Variants in ZCCHC4 observed in about 807,000 individuals in gnomAD.
ZCCHC4 encodes rRNA N(6)-adenosine-methyltransferase ZCCHC4.
A neutral mutation model predicts 67.7 loss-of-function variants in ZCCHC4; 54 were observed. The observed-to-expected ratio is 0.80, with a 90% confidence interval of 0.64 to 1.00. ZCCHC4 has a LOEUF of 1.00. ZCCHC4 is among the 50% of genes least tolerant of loss of function. The pLI is 0.00. For missense variants in ZCCHC4, 609 were observed against 617.0 expected, an observed-to-expected ratio of 0.99 and a Z score of 0.14; for synonymous variants, 198 against 213.5, an observed-to-expected ratio of 0.93 and a Z score of 0.63.
At chr4:25,332,459 C>T (rs1253502909) in intron 3 of ZCCHC4, among the ~76,000 whole-genome samples, 2 of 152,094 alleles carry the variant, frequency 1.3e-5, no homozygotes, top group African/African-American at 4.8e-5. Flanking sequence ...TCATAGCTGG[C>T]ATCACATGTA....
chr4:25,355,802 C>T (rs564600233), intron 8 of ZCCHC4, among the ~76,000 whole-genome samples: 3 of 152,000 alleles, frequency 2.0e-5, no homozygotes, highest in Non-Finnish European at 4.4e-5. Context: ...ATAAGATGTC[C>T]GCATGTCAAT....
intron 7 of ZCCHC4, among the ~76,000 whole-genome samples, chr4:25,350,254 CTTTTTTTTTTTT>C (rs751802021): frequency 4.2e-4 from 36 of 84,898 alleles, no homozygotes; most frequent in African/African-American, 1.5e-3. Context: ...GGTACTGCTT[CTTTTTTTTTTTT>C]TTTTTTTTTT....
chr4:25,323,667 A>G (rs1362125806), intron 3 of ZCCHC4, among the ~76,000 whole-genome samples: 1 of 152,188 alleles, frequency 6.6e-6, no homozygotes, highest in Non-Finnish European at 1.5e-5. Context: ...GCAACCAGGG[A>G]TGTGTGGTCA....
rs528893222 is a variant in ZCCHC4 at position 25,369,623 on chromosome 4, G to A, written c.*459G>A. On this transcript the variant is annotated 3_prime_UTR_variant, in exon 13 of 13. Transcript: ENST00000302874. The stretch of plus-strand genomic sequence containing the variant: ...TAATTTTTGTATTTTTAGTAGAGAC[G>A]GGGTTTCACCATGTTGGCCAGGCTG... The A allele has an allele frequency of 6.4e-4, 100 of 156,958 alleles. 1 individual carries two copies. The South Asian group carries it at 0.017, about 27-fold the overall frequency. 9.7% of individuals were successfully genotyped at this position (156,958 alleles called of 1,614,324 possible).
intron 8 of ZCCHC4, among the ~76,000 whole-genome samples, chr4:25,356,237 C>T (rs1308574339): frequency 6.6e-6 from 1 of 152,108 alleles, no homozygotes; most frequent in Non-Finnish European, 1.5e-5. Flanking sequence ...AGTGAAATGT[C>T]AGGGATAATG....
chr4:25,362,343 CATTTT>C (rs1490537132), intron 10 of ZCCHC4, 42 bp downstream of exon 10: 3 of 1,348,558 alleles, frequency 2.2e-6, no homozygotes, highest in Non-Finnish European at 3.0e-6. Context: ...TAGATATATT[CATTTT>C]ATTTTAGTTT....
chr4:25,326,977 T>C (rs1256565885), intron 3 of ZCCHC4, among the ~76,000 whole-genome samples: 6 of 152,226 alleles, frequency 3.9e-5, no homozygotes, highest in African/African-American at 1.2e-4. Context: ...GTTTTAAAAT[T>C]TCAGTTTCTA....
chr4:25,325,241 C>CAAAA (rs11318046), intron 3 of ZCCHC4, among the ~76,000 whole-genome samples: 2 of 74,744 alleles, frequency 2.7e-5, no homozygotes, highest in Admixed American at 1.8e-4. Context: ...GACTCCGTCT[C>CAAAA]AAAAAAAAAA....
intron 8 of ZCCHC4, among the ~76,000 whole-genome samples, chr4:25,354,602 C>T (rs1046229525): frequency 6.6e-6 from 1 of 151,982 alleles, no homozygotes; most frequent in Non-Finnish European, 1.5e-5. Flanking sequence ...TTTCTCTGGA[C>T]CTATTATTCC....
At chr4:25,351,220 A>T (rs985513166) in intron 7 of ZCCHC4, among the ~76,000 whole-genome samples, 4 of 152,220 alleles carry the variant, frequency 2.6e-5, no homozygotes, top group African/African-American at 9.6e-5. Flanking sequence ...CACACCGAAG[A>T]CCTACTGCCT....
intron 12 of ZCCHC4, 65 bp from the exon 13 acceptor site, chr4:25,368,964 C>T: frequency 2.0e-6 from 3 of 1,533,444 alleles, no homozygotes; most frequent in Non-Finnish European, 2.6e-6. Flanking sequence ...GTTAATTAAA[C>T]TTCAACATAA....
intron 5 of ZCCHC4, among the ~76,000 whole-genome samples, chr4:25,342,452 A>G (rs1342514118): frequency 6.6e-6 from 1 of 152,182 alleles, no homozygotes; most frequent in African/African-American, 2.4e-5. Flanking sequence ...CACATTTGCT[A>G]AGATGGATTT....
intron 3 of ZCCHC4, among the ~76,000 whole-genome samples, chr4:25,332,195 C>G (rs1335209155): frequency 2.0e-5 from 3 of 151,410 alleles, no homozygotes; most frequent in Non-Finnish European, 4.4e-5. Flanking sequence ...GTAGTCCCAG[C>G]TACTTGGGAG....
In ZCCHC4 at chr4:25,369,284, A is replaced by G; in HGVS notation, c.*120A>G. The G allele has an allele frequency of 7.1e-7, 1 of 1,409,456 alleles. No homozygotes were observed. The highest frequency in any genetic ancestry group is 9.7e-7 in the Non-Finnish European group (1 of 1,033,368). The allele number at this position is 1,409,456 out of a possible 1,614,324, so 87.3% of individuals were successfully genotyped here. ...AGAGGTGTGCACCTTTCTGAGCTAG[A>G]TAACAGGCAGGTGGCATTTGCTGGT... On this transcript the variant is annotated 3_prime_UTR_variant, in exon 13 of 13. Transcript: ENST00000302874.
intron 4 of ZCCHC4, 132 bp downstream of exon 4, chr4:25,333,590 T>A: frequency 9.6e-7 from 1 of 1,038,862 alleles, no homozygotes. Context: ...TAAAGCACAG[T>A]CCCTCTCTTA....
intron 8 of ZCCHC4, among the ~76,000 whole-genome samples, chr4:25,360,314 G>A (rs775977196): frequency 9.9e-5 from 15 of 152,242 alleles, no homozygotes; most frequent in Non-Finnish European, 2.1e-4. Context: ...GCGGGCATAT[G>A]CCCTATAGGT....
At chr4:25,324,961 C>A (rs1448685358) in intron 3 of ZCCHC4, among the ~76,000 whole-genome samples, 2 of 152,040 alleles carry the variant, frequency 1.3e-5, no homozygotes, top group Non-Finnish European at 2.9e-5. Flanking sequence ...GAAATATTTT[C>A]GGCCGGGCGC....
chr4:25,335,699 G>A lies in ZCCHC4; in HGVS notation c.686+1711G>A, dbSNP rs560763040. ...TGCTTGACCCCAGAAGGTAGAGGTTGTAGTGAGCCGAGATTGCGCCACTGC... is the reference window on the plus strand; with the variant it reads ...TGCTTGACCCCAGAAGGTAGAGGTTATAGTGAGCCGAGATTGCGCCACTGC... On this transcript the variant is annotated intron_variant, in intron 5 of 12. Transcript: ENST00000302874. Among the ~76,000 whole-genome samples, 183 of 152,324 alleles carry A rather than the reference G, an allele frequency of 1.2e-3. 1 individual carries two copies. Among genetic ancestry groups the A allele is most frequent in the African/African-American group, 4.1e-3 (171 of 41,576 alleles).
At chr4:25,315,915 A>G (rs1718238069) in intron 3 of ZCCHC4, among the ~76,000 whole-genome samples, 2 of 151,942 alleles carry the variant, frequency 1.3e-5, no homozygotes, top group South Asian at 2.1e-4. Context: ...AGGTCTTGCT[A>G]TGTTGCCCAG....
Sources: allele counts gnomAD v4.1 joint callset (sites outside exome capture counted in the v4.1 genomes callset), GRCh38; gene constraint gnomAD v4.1.1; transcripts MANE v1.5; gene names NCBI Gene and HGNC (gene_info 2026-07-23, HGNC 2026-07-21).